SND1: variants seen among roughly 807,000 people sequenced by gnomAD.
The protein encoded by SND1 is staphylococcal nuclease domain-containing protein 1.
In SND1, 38 loss-of-function variants were observed where a neutral mutation model predicts 121.7. That is an observed-to-expected ratio of 0.31 (90% confidence interval 0.24 to 0.41). The LOEUF is 0.41. Among genes scored for constraint, SND1 ranks in the 10% least tolerant of loss-of-function variants. The pLI is 1.00. For synonymous variants in SND1, 401 were observed against 447.4 expected, an observed-to-expected ratio of 0.90 and a Z score of 1.31; for missense variants, 868 against 1,184.6, an observed-to-expected ratio of 0.73 and a Z score of 3.92.
chr7:127,760,671 G>T (rs909846895), intron 10 of SND1, among the ~76,000 whole-genome samples: 6 of 152,146 alleles, frequency 3.9e-5, no homozygotes, highest in Non-Finnish European at 8.8e-5. Flanking sequence ...CATACATTTC[G>T]CCTTTCTGCC....
chr7:127,784,818 T>G (rs887447514), intron 10 of SND1, among the ~76,000 whole-genome samples: 1 of 152,152 alleles, frequency 6.6e-6, no homozygotes, highest in Non-Finnish European at 1.5e-5. Flanking sequence ...AAGAGAATAG[T>G]TTTTAGAGAA....
Position 127,687,538 on chromosome 7 carries a change from A to G in SND1, c.228+776A>G, listed in dbSNP as rs138189097. 2.5e-3 allele frequency among the ~76,000 whole-genome samples: 385 copies of G among 152,216 alleles called. 2 individuals are homozygous for G. Among genetic ancestry groups the G allele is most frequent in the African/African-American group, 8.9e-3 (369 of 41,524 alleles). ...ATATGTCCATGTGTACCCATTGTTT[A>G]GTTCCCACTTACAAAAGTTAGAACA... On this transcript the variant is annotated intron_variant, in intron 2 of 23. Transcript: ENST00000354725.
chr7:128,069,473 T>TAG (rs1367165723), intron 16 of SND1, among the ~76,000 whole-genome samples: 2 of 152,196 alleles, frequency 1.3e-5, no homozygotes, highest in African/African-American at 4.8e-5. Context: ...TGGGAGTTGA[T>TAG]ATCTGACTCC....
chr7:128,038,450 G>T (rs1261462256), intron 16 of SND1, among the ~76,000 whole-genome samples: 2 of 152,178 alleles, frequency 1.3e-5, no homozygotes, highest in Non-Finnish European at 2.9e-5. Context: ...TGCTATTGTT[G>T]AACTAGAAGC....
At chr7:127,732,896 G>T (rs1375599181) in intron 10 of SND1, among the ~76,000 whole-genome samples, 4 of 152,184 alleles carry the variant, frequency 2.6e-5, no homozygotes, top group Non-Finnish European at 4.4e-5. Flanking sequence ...ATTCTGGCTT[G>T]TTTGTAATGT....
chr7:128,027,936 C>G (rs1803526316), intron 16 of SND1: 1 of 152,490 alleles, frequency 6.6e-6, no homozygotes, highest in African/African-American at 2.4e-5. Flanking sequence ...AGACTGAGAG[C>G]TACGCCAGCT....
chr7:127,891,813 T>C (rs1264948553), intron 13 of SND1, among the ~76,000 whole-genome samples: 1 of 152,146 alleles, frequency 6.6e-6, no homozygotes, highest in Admixed American at 6.6e-5. Context: ...CTTCAGCGAT[T>C]GTGTACTGAA....
intron 12 of SND1, chr7:127,858,270 G>A: frequency 1.2e-6 from 1 of 801,774 alleles, no homozygotes; most frequent in Non-Finnish European, 2.1e-6. Context: ...AATTCGGAGA[G>A]CCGGTCCGGG....
chr7:128,052,123 A>G lies in SND1; in HGVS notation c.1780-22379A>G, dbSNP rs1446064218. Among the ~76,000 whole-genome samples, 1 of 152,228 alleles carries G rather than the reference A, an allele frequency of 6.6e-6. No homozygotes were observed. The highest frequency in any genetic ancestry group is 1.5e-5 in the Non-Finnish European group (1 of 68,042). ...TGCTTTGGGGAGGAAGCATTGGGAC[A>G]GATGACCTTCAGTTCAGTTGGAGTG... On this transcript the variant is annotated intron_variant, in intron 16 of 23. Coordinates refer to ENST00000354725, the MANE Select transcript of SND1 (RefSeq NM_014390.4). The surrounding 1 kb of genome is among the most constrained non-coding windows in gnomAD (Gnocchi z 4.6).
intron 9 of SND1, among the ~76,000 whole-genome samples, chr7:127,710,302 A>G (rs1796276094): frequency 6.6e-6 from 1 of 152,128 alleles, no homozygotes; most frequent in African/African-American, 2.4e-5. Context: ...AGCCTAAAAT[A>G]TTTGTTATCT....
intron 10 of SND1, among the ~76,000 whole-genome samples, chr7:127,766,611 TA>T (rs759663436): frequency 7.3e-5 from 11 of 151,460 alleles, no homozygotes; most frequent in East Asian, 3.9e-4. Flanking sequence ...CCGTCTCTAC[TA>T]AAAATACAAA....
At chr7:127,678,566 A>C (rs1370986962) in intron 1 of SND1, among the ~76,000 whole-genome samples, 1 of 151,828 alleles carries the variant, frequency 6.6e-6, no homozygotes, top group African/African-American at 2.4e-5. Context: ...GAAAAAAACC[A>C]AAAAGCAATA....
At chr7:127,887,299 T>C (rs1799929056) in intron 12 of SND1, among the ~76,000 whole-genome samples, 1 of 152,054 alleles carries the variant, frequency 6.6e-6, no homozygotes, top group Non-Finnish European at 1.5e-5. Flanking sequence ...ACAAAGAATT[T>C]CCTTTCTACT....
At position 128,089,576 on chromosome 7, in the gene SND1, G is replaced by C; in HGVS notation, c.2506G>C (p.Gly836Arg). The C allele has an allele frequency of 6.2e-7, 1 of 1,614,224 alleles. No individual in the cohort carries two copies. The highest frequency in any genetic ancestry group is 1.6e-4 in the Middle Eastern group (1 of 6,062). Reference sequence around the variant, plus strand: ...GCTCAACGTGGAACACCTGAGTGCCGGCTGCCCCCATGTCACCCTGCAGTT... The same window carrying C: ...GCTCAACGTGGAACACCTGAGTGCCCGCTGCCCCCATGTCACCCTGCAGTT... The part of the protein sequence containing the change: ...CLLNVEHLSA[G>R]CPHVTLQFAD... The change falls in exon 22 of 24, where the codon GGC becomes CGC. Residue 836 changes from glycine to arginine, a missense_variant. By Grantham distance (125) the Gly-to-Arg change is moderately radical. This residue lies in a region of SND1 where 743 missense variants were observed against 1,071.3 expected (regional missense o/e 0.69). Transcript: ENST00000354725.
At chr7:127,807,428 G>C in intron 10 of SND1, 56 bp from the exon 11 acceptor site, 1 of 1,356,196 alleles carries the variant, frequency 7.4e-7, no homozygotes, top group Non-Finnish European at 1.1e-6. Flanking sequence ...TTGTGCTGTT[G>C]TACATGTTCA....
At chr7:127,807,416 T>A in intron 10 of SND1, 68 bp from the exon 11 acceptor site, 1 of 1,218,242 alleles carries the variant, frequency 8.2e-7, no homozygotes, top group Non-Finnish European at 1.2e-6. Flanking sequence ...CATTCCTATA[T>A]CTTGTGCTGT....
intron 10 of SND1, among the ~76,000 whole-genome samples, chr7:127,750,408 T>C (rs1372238947): frequency 6.6e-6 from 1 of 152,176 alleles, no homozygotes; most frequent in African/African-American, 2.4e-5. Context: ...TCCTTAGGGA[T>C]TGAATTCAGA....
intron 2 of SND1, among the ~76,000 whole-genome samples, chr7:127,693,248 G>T (rs1349192802): frequency 1.3e-5 from 2 of 152,020 alleles, no homozygotes; most frequent in Non-Finnish European, 2.9e-5. Flanking sequence ...TTGGTGACTG[G>T]TATCTGATTT....
intron 18 of SND1, among the ~76,000 whole-genome samples, chr7:128,082,300 T>A (rs1335985465): frequency 6.6e-6 from 1 of 152,142 alleles, no homozygotes; most frequent in East Asian, 1.9e-4. Context: ...AGGAAACAAA[T>A]CATGGTAGGC....
Sources: gnomAD v4.1 joint callset for allele counts (sites outside exome capture counted in the v4.1 genomes callset) on GRCh38, gnomAD v4.1.1 for gene constraint, gnomAD v4.1.1 regional missense constraint, Gnocchi (gnomAD v3.1) non-coding constraint, MANE v1.5 for transcripts, NCBI Gene and HGNC (gene_info 2026-07-23, HGNC 2026-07-21) for gene names.